STK39: variants seen among roughly 807,000 people sequenced by gnomAD.
STK39 encodes the protein STE20/SPS1-related proline-alanine-rich protein kinase.
A neutral mutation model predicts 77.8 loss-of-function variants in STK39; 20 were observed. That is an observed-to-expected ratio of 0.26 (90% CI 0.18 to 0.37). The LOEUF is 0.37. Among genes scored for constraint, STK39 ranks in the 10% least tolerant of loss-of-function variants. STK39 has a pLI of 1.00. For missense variants in STK39, 479 were observed against 656.5 expected (o/e 0.73, Z 2.95); for synonymous variants, 246 against 234.1 (o/e 1.05, Z -0.47).
rs751196398 is a variant in STK39, at chr2:167,955,558, C to T, written c.1576G>A (p.Asp526Asn). ...TLTFKLASGC[D>N]GSEIPDEVKL... Reference sequence around the variant, plus strand: ...ACTTCATCAGGAATCTCCGACCCATCACAGCCAGAAGCCTGAAAAGGGAAA... The same window carrying T: ...ACTTCATCAGGAATCTCCGACCCATTACAGCCAGAAGCCTGAAAAGGGAAA... The change falls in exon 18 of 18, where the codon GAT becomes AAT. Residue 526 changes from aspartate (D) to asparagine (N), a missense_variant. Transcript: ENST00000355999. 5 of 1,613,706 alleles carry T rather than the reference C, an allele frequency of 3.1e-6. No homozygotes were observed. Among genetic ancestry groups the T allele is most frequent in the Non-Finnish European group, 4.2e-6 (5 of 1,179,838 alleles).
At chr2:167,962,394 C>T (rs924623315) in intron 17 of STK39, among the ~76,000 whole-genome samples, 7 of 152,264 alleles carry the variant, frequency 4.6e-5, no homozygotes, top group South Asian at 4.1e-4. Flanking sequence ...GATCTCAAAC[C>T]GGCTGGCAGC....
At chr2:168,031,636 G>A (rs1293971511) in intron 14 of STK39, among the ~76,000 whole-genome samples, 3 of 152,200 alleles carry the variant, frequency 2.0e-5, no homozygotes, top group African/African-American at 7.2e-5. Flanking sequence ...GTTATAAGAA[G>A]AGATTAGGAC....
At chr2:168,219,075 T>G (rs576516116) in intron 1 of STK39, among the ~76,000 whole-genome samples, 4 of 152,256 alleles carry the variant, frequency 2.6e-5, no homozygotes, top group African/African-American at 9.6e-5. Context: ...CCTTGAAAGA[T>G]TCACATAATT....
intron 15 of STK39, among the ~76,000 whole-genome samples, chr2:168,013,283 A>T (rs1442882816): frequency 6.6e-6 from 1 of 152,240 alleles, no homozygotes; most frequent in Admixed American, 6.5e-5. Flanking sequence ...GTTGAATAAA[A>T]TACCGTACTT....
chr2:168,083,999 A>AG (rs1686305220), intron 10 of STK39, among the ~76,000 whole-genome samples: 2 of 151,560 alleles, frequency 1.3e-5, no homozygotes, highest in Non-Finnish European at 2.9e-5. Context: ...TTTTATGTGA[A>AG]TGCTCTTGAC....
intron 16 of STK39, among the ~76,000 whole-genome samples, chr2:167,998,340 A>G (rs77250835): frequency 6.6e-6 from 1 of 152,220 alleles, no homozygotes; most frequent in Non-Finnish European, 1.5e-5. Flanking sequence ...CCCTGAAAAA[A>G]TATTCACTAA....
intron 5 of STK39, among the ~76,000 whole-genome samples, chr2:168,147,786 C>T (rs926909462): frequency 1.2e-4 from 18 of 152,178 alleles, no homozygotes; most frequent in African/African-American, 4.1e-4. Flanking sequence ...ATACTACACT[C>T]AGCACTAAAA....
At chr2:168,103,658 AT>A (rs891884276) in intron 10 of STK39, among the ~76,000 whole-genome samples, 18 of 152,096 alleles carry the variant, frequency 1.2e-4, no homozygotes, top group African/African-American at 4.1e-4. Context: ...TCTCTTTAAC[AT>A]TTTTTTTCTT....
At chr2:168,247,062 A>T (rs112908183) in intron 1 of STK39, among the ~76,000 whole-genome samples, 166 bp downstream of exon 1, 2,657 of 6,162 alleles carry the variant, frequency 0.43, 226 homozygotes, top group African/African-American at 0.47. Flanking sequence ...ATTAAAAATT[A>T]AAAAAAAAAA....
At chr2:168,070,954 C>T (rs16854635) in intron 12 of STK39, among the ~76,000 whole-genome samples, 3,517 of 152,216 alleles carry the variant, frequency 0.023, 116 homozygotes, top group African/African-American at 0.073. Context: ...TCTCCAAATA[C>T]GACCCAGGAT....
At chr2:168,019,326 A>C (rs1684513006) in intron 14 of STK39, among the ~76,000 whole-genome samples, 1 of 152,286 alleles carries the variant, frequency 6.6e-6, no homozygotes, top group East Asian at 1.9e-4. Flanking sequence ...TTATGCCATT[A>C]TATTGTTGTA....
chr2:168,095,286 ACCTAACTT>A (rs1200984487), intron 10 of STK39, among the ~76,000 whole-genome samples: 1 of 152,080 alleles, frequency 6.6e-6, no homozygotes, highest in Non-Finnish European at 1.5e-5. Context: ...CAGCTTTACA[ACCTAACTT>A]CCTACTGCAT....
chr2:168,153,599 TAAAG>T (rs1018298136), intron 5 of STK39, among the ~76,000 whole-genome samples: 2 of 135,942 alleles, frequency 1.5e-5, no homozygotes, highest in African/African-American at 5.4e-5. Flanking sequence ...ATGTGTACAA[TAAAG>T]AAAACAGAGC....
At chr2:168,009,360 T>A (rs1031336878) in intron 16 of STK39, among the ~76,000 whole-genome samples, 1 of 152,130 alleles carries the variant, frequency 6.6e-6, no homozygotes, top group Non-Finnish European at 1.5e-5. Flanking sequence ...GCAATTAAAA[T>A]AGAAAACATC....
At chr2:168,133,484 A>G (rs1295726789) in intron 8 of STK39, among the ~76,000 whole-genome samples, 1 of 152,226 alleles carries the variant, frequency 6.6e-6, no homozygotes, top group East Asian at 1.9e-4. Context: ...AAATCAGCTG[A>G]AGTGTTTATC....
At chr2:168,152,024 T>A (rs1688300768) in intron 5 of STK39, among the ~76,000 whole-genome samples, 1 of 152,160 alleles carries the variant, frequency 6.6e-6, no homozygotes, top group Non-Finnish European at 1.5e-5. Context: ...GCAGGTGAAT[T>A]TTCAGTAAGA....
chr2:168,206,121 C>G (rs935333298), intron 1 of STK39, among the ~76,000 whole-genome samples: 1 of 152,178 alleles, frequency 6.6e-6, no homozygotes, highest in South Asian at 2.1e-4. Flanking sequence ...TTACCACAAT[C>G]GCTGACAGCA....
At chr2:167,999,493 A>T (rs1227743706) in intron 16 of STK39, among the ~76,000 whole-genome samples, 3 of 151,764 alleles carry the variant, frequency 2.0e-5, no homozygotes, top group African/African-American at 4.8e-5. Context: ...ATGGAGTCTC[A>T]CTCTGTGGCC....
intron 1 of STK39, among the ~76,000 whole-genome samples, chr2:168,241,593 C>G (rs1358308218): frequency 6.6e-6 from 1 of 152,214 alleles, no homozygotes; most frequent in Non-Finnish European, 1.5e-5. Flanking sequence ...TAAGCCCCTT[C>G]CAGCAGCCCA....
Sources: allele counts gnomAD v4.1 joint callset (sites outside exome capture counted in the v4.1 genomes callset), GRCh38; gene constraint gnomAD v4.1.1; transcripts MANE v1.5; gene names NCBI Gene and HGNC (gene_info 2026-07-23, HGNC 2026-07-21).